The following STXBP5 variants were observed in gnomAD, a reference collection of about 807,000 sequenced individuals.
The protein encoded by STXBP5 is syntaxin-binding protein 5.
A neutral mutation model predicts 152.4 loss-of-function variants in STXBP5; 50 were observed. The observed-to-expected ratio is 0.33, with a 90% CI of 0.26 to 0.42. STXBP5 has a LOEUF of 0.42. Among genes scored for constraint, STXBP5 ranks in the 10% least tolerant of loss-of-function variants. STXBP5 has a pLI of 1.00. For synonymous variants in STXBP5, 492 were observed against 494.7 expected, an observed-to-expected ratio of 0.99 and a Z score of 0.07; for missense variants, 1,167 against 1,388.6, an observed-to-expected ratio of 0.84 and a Z score of 2.54.
chr6:147,249,685 T>C (rs1318217885), intron 4 of STXBP5, among the ~76,000 whole-genome samples: 2 of 151,190 alleles, frequency 1.3e-5, no homozygotes, highest in Non-Finnish European at 2.9e-5. Flanking sequence ...ATTTGGGGAA[T>C]TCCTACTGTG....
At chr6:147,295,641 A>T (rs911398619) in intron 9 of STXBP5, among the ~76,000 whole-genome samples, 2 of 152,170 alleles carry the variant, frequency 1.3e-5, no homozygotes, top group African/African-American at 4.8e-5. Context: ...TTGAGCCAGG[A>T]GGCACTTCCC....
chr6:147,327,419 T>C (rs1475847933), intron 18 of STXBP5, 143 bp downstream of exon 18: 1 of 1,020,394 alleles, frequency 9.8e-7, no homozygotes, highest in South Asian at 1.9e-5. Flanking sequence ...TAGCAAAAGT[T>C]GTGAGTCTTA....
chr6:147,353,482 T>C, intron 22 of STXBP5, 109 bp downstream of exon 22: 1 of 620,838 alleles, frequency 1.6e-6, no homozygotes, highest in Non-Finnish European at 2.7e-6. Context: ...AAGTTTAAAA[T>C]GACTAAGATG....
At chr6:147,287,656 C>T (rs1346254282) in intron 8 of STXBP5, among the ~76,000 whole-genome samples, 2 of 152,160 alleles carry the variant, frequency 1.3e-5, no homozygotes, top group African/African-American at 4.8e-5. Flanking sequence ...TGTATCACAA[C>T]TTATTCAGCT....
intron 18 of STXBP5, among the ~76,000 whole-genome samples, chr6:147,333,464 C>T (rs1783680666): frequency 1.3e-5 from 2 of 152,136 alleles, no homozygotes; most frequent in African/African-American, 2.4e-5. Context: ...GCGCAGGTTG[C>T]GGTGAGCCAA....
At chr6:147,241,055 A>G (rs1374349311) in intron 4 of STXBP5, among the ~76,000 whole-genome samples, 28 of 152,184 alleles carry the variant, frequency 1.8e-4, no homozygotes, top group Admixed American at 1.8e-3. Flanking sequence ...TACCCAAAAC[A>G]GGGAACCATA....
chr6:147,267,254 A>C (rs1319256000), intron 7 of STXBP5, 87 bp downstream of exon 7: 1 of 1,109,026 alleles, frequency 9.0e-7, no homozygotes, highest in African/African-American at 1.6e-5. Context: ...ATTTTACTTT[A>C]GGCAAACTTT....
chr6:147,264,487 T>C (rs1469154319), intron 6 of STXBP5, among the ~76,000 whole-genome samples: 4 of 152,138 alleles, frequency 2.6e-5, no homozygotes, highest in Non-Finnish European at 5.9e-5. Flanking sequence ...AGAGCTAGAC[T>C]TTGGCGGATC....
intron 9 of STXBP5, among the ~76,000 whole-genome samples, chr6:147,299,325 A>G (rs1205279550): frequency 6.6e-6 from 1 of 152,126 alleles, no homozygotes; most frequent in East Asian, 1.9e-4. Flanking sequence ...GAAAATTTCA[A>G]CAGACCAATA....
At chr6:147,283,588 G>A (rs1780802895) in intron 8 of STXBP5, among the ~76,000 whole-genome samples, 2 of 152,098 alleles carry the variant, frequency 1.3e-5, no homozygotes, top group African/African-American at 4.8e-5. Flanking sequence ...AGTCCACCTC[G>A]AGTCACCAAG....
At chr6:147,346,465 G>T (rs1003235514) in intron 21 of STXBP5, among the ~76,000 whole-genome samples, 2 of 152,112 alleles carry the variant, frequency 1.3e-5, no homozygotes, top group Admixed American at 6.5e-5. Flanking sequence ...ACGGCCAGGC[G>T]CAGTGGCTCA....
At chr6:147,366,321 A>T (rs1283552199) in intron 25 of STXBP5, among the ~76,000 whole-genome samples, 1 of 152,216 alleles carries the variant, frequency 6.6e-6, no homozygotes, top group Non-Finnish European at 1.5e-5. Flanking sequence ...GCTTGATCCC[A>T]ACAACCAGAC....
intron 18 of STXBP5, chr6:147,328,578 AT>A (rs201461232): frequency 1.8e-3 from 577 of 312,656 alleles, no homozygotes; most frequent in African/African-American, 4.2e-3. Context: ...TTGTTTTTCC[AT>A]TTTTTTTTAA....
At chr6:147,315,106 A>G (rs1359669697) in intron 14 of STXBP5, among the ~76,000 whole-genome samples, 2 of 152,102 alleles carry the variant, frequency 1.3e-5, no homozygotes, top group Non-Finnish European at 2.9e-5. Flanking sequence ...TTAACTCAGG[A>G]TATGTTGTGT....
chr6:147,260,967 A>T (rs992589763), intron 5 of STXBP5, among the ~76,000 whole-genome samples: 1 of 152,092 alleles, frequency 6.6e-6, no homozygotes, highest in Admixed American at 6.6e-5. Context: ...TGCACATTAC[A>T]TATGTATATA....
Position 147,386,428 on chromosome 6 carries a change from T to C in STXBP5, c.*1673T>C, listed in dbSNP as rs1245619124. The C allele has an allele frequency of 6.6e-6, 1 of 151,838 alleles. No homozygotes were observed. The highest frequency in any genetic ancestry group is 1.5e-5 in the Non-Finnish European group (1 of 67,826). 9.4% of individuals were successfully genotyped at this position (151,838 alleles called of 1,614,324 possible). On this transcript the variant is annotated 3_prime_UTR_variant, in exon 28 of 28. Transcript: ENST00000321680. ...CTACTTTTCATTAATAAAGCTTTTA[T>C]GTTTACATTTTATAACATGCACTAC... is the stretch of plus-strand genomic sequence containing the variant.
chr6:147,373,379 A>C (rs993763567), intron 25 of STXBP5, among the ~76,000 whole-genome samples: 34 of 151,830 alleles, frequency 2.2e-4, no homozygotes, highest in African/African-American at 7.7e-4. Flanking sequence ...AAAAAAAAAA[A>C]AAAAAAAAAC....
At chr6:147,262,174 CCTTTCTTT>C in intron 5 of STXBP5, 108 bp from the exon 6 acceptor site, 2 of 673,096 alleles carry the variant, frequency 3.0e-6, no homozygotes, top group Non-Finnish European at 4.9e-6. Flanking sequence ...TTGCTGAAAT[CCTTTCTTT>C]CTTTATAAAT....
At chr6:147,339,059 A>G (rs114322498) in intron 19 of STXBP5, 120 bp from the exon 20 acceptor site, 1 of 801,590 alleles carries the variant, frequency 1.2e-6, no homozygotes, top group Non-Finnish European at 2.0e-6. Flanking sequence ...TCTTGTGGTC[A>G]CTAACATGAT....
Sources: allele counts gnomAD v4.1 joint callset (sites outside exome capture counted in the v4.1 genomes callset), GRCh38; gene constraint gnomAD v4.1.1; transcripts MANE v1.5; gene names NCBI Gene and HGNC (gene_info 2026-07-23, HGNC 2026-07-21).